GCLC: variants seen among roughly 807,000 people sequenced by gnomAD.
The protein encoded by GCLC is glutamate--cysteine ligase catalytic subunit.
GCLC carries 30 observed loss-of-function variants against 81.5 expected under a neutral mutation model. That is an observed-to-expected ratio of 0.37 (90% CI 0.28 to 0.50). The LOEUF (loss-of-function observed/expected upper bound fraction) is 0.50, where lower values mean the gene tolerates loss of function less well. Among genes scored for constraint, GCLC ranks in the 20% least tolerant of loss-of-function variants. The pLI is 0.96. For synonymous variants in GCLC, 262 were observed against 273.3 expected (o/e 0.96, Z 0.41); for missense variants, 556 against 777.4 (o/e 0.72, Z 3.39).
At chr6:53,519,462 T>C (rs1581739083) in intron 3 of GCLC, among the ~76,000 whole-genome samples, 1 of 150,008 alleles carries the variant, frequency 6.7e-6, no homozygotes, top group East Asian at 2.0e-4. Context: ...ACCTAGGTTG[T>C]ACTCTTTGCT....
In GCLC at chr6:53,498,929, T is replaced by C; in HGVS notation, c.1741A>G (p.Ile581Val). 1 of 1,613,656 alleles carries C rather than the reference T, an allele frequency of 6.2e-7. No individual in the cohort carries two copies. Among genetic ancestry groups the C allele is most frequent in the Non-Finnish European group, 8.5e-7 (1 of 1,179,648 alleles). The change falls in exon 16 of 16, where the codon ATC (isoleucine) becomes GTC (valine). Residue 581 changes from isoleucine to valine, a missense_variant. Ile to Val is a conservative substitution (Grantham distance 29). Coordinates refer to ENST00000650454, the MANE Select transcript of GCLC (RefSeq NM_001498.4). ...TGCTTGTAGTCAGGATGGTTTGCGA[T>C]AAACTCCCTCATCCATCTGGCAACT... is the stretch of plus-strand genomic sequence containing the variant. ...MTVARWMREF[I>V]ANHPDYKQDS... is the part of the protein sequence containing the mutation.
At chr6:53,543,041 C>T (rs1165461084) in intron 1 of GCLC, among the ~76,000 whole-genome samples, 2 of 152,098 alleles carry the variant, frequency 1.3e-5, no homozygotes, top group Non-Finnish European at 2.9e-5. Flanking sequence ...AAATGTCAAA[C>T]TTTGAACTGC....
chr6:53,514,547 G>A (rs781039743), intron 4 of GCLC, 50 bp from the exon 5 acceptor site: 2 of 1,305,808 alleles, frequency 1.5e-6, no homozygotes, highest in Admixed American at 1.7e-5. Context: ...GAGTCATCGT[G>A]TAAAAGAAGA....
At chr6:53,531,986 T>C (rs909735559) in intron 1 of GCLC, among the ~76,000 whole-genome samples, 1 of 152,222 alleles carries the variant, frequency 6.6e-6, no homozygotes, top group South Asian at 2.1e-4. Context: ...AAGACCATCA[T>C]TTTTCTTTCA....
intron 1 of GCLC, chr6:53,522,917 T>C (rs961406377): frequency 1.3e-5 from 3 of 233,754 alleles, no homozygotes; most frequent in African/African-American, 6.9e-5. Flanking sequence ...AGAAAGAGGT[T>C]ATCTGGACAT....
chr6:53,544,426 G>A (rs1763410849), intron 1 of GCLC, 70 bp downstream of exon 1: 1 of 1,534,800 alleles, frequency 6.5e-7, no homozygotes, highest in African/African-American at 1.4e-5. Context: ...CGGGGGCGTA[G>A]GGCAAGACAA....
At chr6:53,538,025 G>C (rs976490530) in intron 1 of GCLC, among the ~76,000 whole-genome samples, 1 of 150,884 alleles carries the variant, frequency 6.6e-6, no homozygotes, top group Non-Finnish European at 1.5e-5. Flanking sequence ...CCTTCAATTT[G>C]ACTCAAATAA....
At position 53,516,175 on chromosome 6, in the gene GCLC, A is replaced by G. The variant is rs762506159; in HGVS notation, c.494T>C (p.Val165Ala). Residue 165 changes from valine (V) to alanine (A), a missense_variant, in exon 4 of 16, where the codon GTG becomes GCG. This residue lies in a region of GCLC where 234 missense variants were observed against 303.8 expected (regional missense o/e 0.77). Coordinates refer to ENST00000650454, the MANE Select transcript of GCLC (RefSeq NM_001498.4). ...FTLPEVKPNPVEGGASKSLFF... is the reference protein window; with the variant it reads ...FTLPEVKPNPAEGGASKSLFF... ...GAGGGACTTGGAAGCTCCTCCTTCC[A>G]CTGGGTTGGGTTTGACCTCGGGCAG... The G allele has an allele frequency of 8.1e-6, 13 of 1,613,832 alleles. No individual in the cohort carries two copies. The Admixed American group carries it at 2.0e-4, about 25-fold the overall frequency.
chr6:53,521,230 C>T (rs1415253482), intron 2 of GCLC, among the ~76,000 whole-genome samples: 1 of 152,182 alleles, frequency 6.6e-6, no homozygotes, highest in African/African-American at 2.4e-5. Context: ...TCTTGGCTTA[C>T]TGCAACCTCT....
chr6:53,521,679 T>C (rs1304193550), intron 2 of GCLC, among the ~76,000 whole-genome samples: 1 of 151,702 alleles, frequency 6.6e-6, no homozygotes, highest in African/African-American at 2.4e-5. Context: ...AGGAATACCT[T>C]AAAAACACAC....
intron 12 of GCLC, chr6:53,501,233 T>C (rs1764506750): frequency 1.3e-5 from 2 of 155,320 alleles, no homozygotes; most frequent in Admixed American, 1.3e-4. Context: ...ACCCGGTTCT[T>C]CTAAGTTGAG....
chr6:53,528,041 AT>A (rs1305381400), intron 1 of GCLC, among the ~76,000 whole-genome samples: 1 of 151,852 alleles, frequency 6.6e-6, no homozygotes, highest in Non-Finnish European at 1.5e-5. Context: ...GTAATGACAA[AT>A]TTTTTTTTAA....
chr6:53,503,931 T>C (rs1216686763), intron 12 of GCLC, among the ~76,000 whole-genome samples: 1 of 152,232 alleles, frequency 6.6e-6, no homozygotes, highest in African/African-American at 2.4e-5. Context: ...GCTCTACTGG[T>C]GAGAATACTC....
intron 3 of GCLC, among the ~76,000 whole-genome samples, chr6:53,517,766 T>C (rs1010127410): frequency 6.6e-6 from 1 of 152,196 alleles, no homozygotes; most frequent in African/African-American, 2.4e-5. Flanking sequence ...CAGAACTTTC[T>C]GGAGTGATGG....
intron 1 of GCLC, among the ~76,000 whole-genome samples, chr6:53,528,996 C>T (rs1022627028): frequency 4.6e-5 from 7 of 152,058 alleles, no homozygotes; most frequent in African/African-American, 1.7e-4. Flanking sequence ...CACCTGTCAC[C>T]AAAGGAACAC....
At chr6:53,521,215 C>G (rs1762985464) in intron 2 of GCLC, among the ~76,000 whole-genome samples, 1 of 152,148 alleles carries the variant, frequency 6.6e-6, no homozygotes, top group Non-Finnish European at 1.5e-5. Flanking sequence ...AGTGCAATGG[C>G]ACGATCTTGG....
At chr6:53,520,445 G>C (rs17885315) in intron 3 of GCLC, among the ~76,000 whole-genome samples, 56 of 152,300 alleles carry the variant, frequency 3.7e-4, no homozygotes, top group African/African-American at 1.3e-3. Context: ...CTGCTTACAG[G>C]GTCAGAACTG....
chr6:53,517,746 T>C (rs1056947843), intron 3 of GCLC, among the ~76,000 whole-genome samples: 1 of 152,162 alleles, frequency 6.6e-6, no homozygotes, highest in African/African-American at 2.4e-5. Flanking sequence ...TCTAGAGCAG[T>C]GCTGTCCCAC....
chr6:53,504,632 T>A (rs1764578897), intron 12 of GCLC, among the ~76,000 whole-genome samples: 1 of 152,114 alleles, frequency 6.6e-6, no homozygotes, highest in Non-Finnish European at 1.5e-5. Flanking sequence ...ACAGCCAGAT[T>A]TCCTTCAGGG....
Sources: gnomAD v4.1 joint callset for allele counts (sites outside exome capture counted in the v4.1 genomes callset) on GRCh38, gnomAD v4.1.1 for gene constraint, gnomAD v4.1.1 regional missense constraint, MANE v1.5 for transcripts, NCBI Gene and HGNC (gene_info 2026-07-23, HGNC 2026-07-21) for gene names.